Variants in KIF18A observed in about 807,000 individuals in gnomAD.
KIF18A encodes the protein kinesin family member 18A.
Under a neutral mutation model 103.3 loss-of-function variants are expected in KIF18A, and 67 were observed. That is an observed-to-expected ratio of 0.65 (90% CI 0.53 to 0.79). The LOEUF is 0.79. Among genes scored for constraint, KIF18A ranks in the 30% least tolerant of loss-of-function variants. The pLI, the probability that KIF18A is intolerant of heterozygous loss-of-function variation, is 0.00. For missense variants in KIF18A, 1,032 were observed against 1,062.5 expected (o/e 0.97, Z 0.40); for synonymous variants, 367 against 355.5 (o/e 1.03, Z -0.36).
chr11:28,092,105 G>A (rs562721880), intron 3 of KIF18A, among the ~76,000 whole-genome samples: 77 of 152,240 alleles, frequency 5.1e-4, no homozygotes, highest in Middle Eastern at 3.4e-3. Context: ...GTGAGCCACC[G>A]CGCCCGGCCC....
At chr11:28,077,271 A>T in intron 9 of KIF18A, 102 bp from the exon 10 acceptor site, 1 of 683,346 alleles carries the variant, frequency 1.5e-6, no homozygotes, top group South Asian at 2.3e-5. Context: ...TATGTAATTC[A>T]CAGAACTACA....
intron 11 of KIF18A, among the ~76,000 whole-genome samples, chr11:28,067,180 G>A (rs1171582942): frequency 6.6e-6 from 1 of 151,942 alleles, no homozygotes; most frequent in South Asian, 2.1e-4. Context: ...TTTTTGTGGG[G>A]AATATTTTAA....
At chr11:28,026,285 G>A (rs1233279224) in intron 15 of KIF18A, among the ~76,000 whole-genome samples, 1 of 151,612 alleles carries the variant, frequency 6.6e-6, no homozygotes, top group African/African-American at 2.4e-5. Context: ...TATATAGAGA[G>A]CTTCCCCTTC....
chr11:28,096,884 T>C (rs1024820209), intron 2 of KIF18A, among the ~76,000 whole-genome samples: 11 of 145,844 alleles, frequency 7.5e-5, no homozygotes, highest in East Asian at 3.9e-4. Flanking sequence ...CTCTCTCTCT[T>C]TTTTTTTTTT....
intron 13 of KIF18A, among the ~76,000 whole-genome samples, chr11:28,056,322 C>T (rs761876048): frequency 2.5e-4 from 38 of 150,810 alleles, no homozygotes; most frequent in Middle Eastern, 3.2e-3. Flanking sequence ...GGAAATATAG[C>T]GACTGAAATT....
At chr11:28,025,834 T>A (rs914474942) in intron 15 of KIF18A, among the ~76,000 whole-genome samples, 1 of 151,988 alleles carries the variant, frequency 6.6e-6, no homozygotes, top group African/African-American at 2.4e-5. Flanking sequence ...AGAATTAACC[T>A]TTTGCTCCCT....
intron 5 of KIF18A, among the ~76,000 whole-genome samples, chr11:28,089,476 A>G (rs1851273270): frequency 6.6e-6 from 1 of 152,220 alleles, no homozygotes. Context: ...ACTGTACATA[A>G]TTGTATGTAC....
intron 13 of KIF18A, among the ~76,000 whole-genome samples, chr11:28,055,446 T>G (rs1483286828): frequency 6.6e-6 from 1 of 152,152 alleles, no homozygotes; most frequent in Non-Finnish European, 1.5e-5. Flanking sequence ...CTTGAGGTTG[T>G]TTGCTTATGC....
At chr11:28,056,325 C>A (rs1042573146) in intron 13 of KIF18A, among the ~76,000 whole-genome samples, 1 of 151,184 alleles carries the variant, frequency 6.6e-6, no homozygotes, top group Non-Finnish European at 1.5e-5. Context: ...AATATAGCGA[C>A]TGAAATTAAA....
intron 6 of KIF18A, among the ~76,000 whole-genome samples, chr11:28,087,182 C>T (rs1851239499): frequency 6.6e-6 from 1 of 152,142 alleles, no homozygotes; most frequent in Non-Finnish European, 1.5e-5. Flanking sequence ...CACCCATCAA[C>T]CTGTAATCTA....
intron 13 of KIF18A, among the ~76,000 whole-genome samples, chr11:28,041,990 C>A (rs1186867700): frequency 1.3e-5 from 2 of 151,522 alleles, no homozygotes; most frequent in East Asian, 3.9e-4. Context: ...AGCTTGGGAT[C>A]CTGTCCTCTA....
In KIF18A at chr11:28,094,893, GA is replaced by G. The variant is rs534837056; in HGVS notation, c.326-94del. On this transcript the variant is annotated intron_variant, in intron 2 of 16. Transcript: ENST00000263181. ...GTGGATAGTTCCATCTGGATATCCTGAACAGTATCTTTAAACCCTACAAATC... is the reference window on the plus strand; with the variant it reads ...GTGGATAGTTCCATCTGGATATCCTGACAGTATCTTTAAACCCTACAAATC... The G allele has an allele frequency of 1.8e-5, 22 of 1,231,226 alleles. No homozygotes were observed. In the African/African-American group the frequency reaches 2.7e-4, roughly 15 times the overall value. The allele number at this position is 1,231,226 out of a possible 1,614,324, so 76.3% of individuals were successfully genotyped here. A position where few individuals can be genotyped will look rare whatever the true frequency, so the allele number is the denominator to read the frequency against.
intron 13 of KIF18A, among the ~76,000 whole-genome samples, chr11:28,054,974 A>T (rs1850759947): frequency 6.6e-6 from 1 of 152,186 alleles, no homozygotes; most frequent in Admixed American, 6.6e-5. Context: ...AGCATCATAT[A>T]GCAGGTGGTC....
intron 6 of KIF18A, among the ~76,000 whole-genome samples, chr11:28,085,350 C>G (rs973964604): frequency 3.9e-5 from 6 of 152,182 alleles, no homozygotes; most frequent in Non-Finnish European, 5.9e-5. Flanking sequence ...TGCCCGCAGT[C>G]ATCCGGAGGC....
intron 16 of KIF18A, among the ~76,000 whole-genome samples, chr11:28,022,789 A>G (rs960207703): frequency 2.2e-4 from 34 of 152,132 alleles, no homozygotes; most frequent in African/African-American, 8.2e-4. Context: ...TTCAATTTCC[A>G]TTGAACTTAA....
chr11:28,074,234 A>T (rs1312996286), intron 10 of KIF18A, among the ~76,000 whole-genome samples: 1 of 152,064 alleles, frequency 6.6e-6, no homozygotes, highest in East Asian at 1.9e-4. Flanking sequence ...TTCTTATATA[A>T]TATGGTACTA....
At chr11:28,028,464 C>T (rs866581821) in intron 15 of KIF18A, among the ~76,000 whole-genome samples, 11 of 151,914 alleles carry the variant, frequency 7.2e-5, no homozygotes, top group East Asian at 1.9e-4. Flanking sequence ...GAAATAAAGA[C>T]GTTCTTTGAA....
chr11:28,021,000 T>C lies in KIF18A; in HGVS notation c.*200A>G. On this transcript the variant is annotated 3_prime_UTR_variant, in exon 17 of 17. Transcript: ENST00000263181. ...ATTTAAAAAACTTAAAAGACAACCT[T>C]TTCTTTTGAAATTTTATTTTTTTAG... 1 of 415,566 alleles carries C rather than the reference T, an allele frequency of 2.4e-6. No individual in the cohort carries two copies. The highest frequency in any genetic ancestry group is 3.7e-6 in the Non-Finnish European group (1 of 272,836). 25.7% of individuals were successfully genotyped at this position (415,566 alleles called of 1,614,324 possible). A position where few individuals can be genotyped will look rare whatever the true frequency, so the allele number is the denominator to read the frequency against.
intron 5 of KIF18A, 147 bp from the exon 6 acceptor site, chr11:28,088,868 G>A (rs964453495): frequency 6.2e-6 from 4 of 648,546 alleles, no homozygotes; most frequent in Non-Finnish European, 1.1e-5. Flanking sequence ...ATATTTAAGA[G>A]CACTATAAGT....
Sources: allele counts gnomAD v4.1 joint callset (sites outside exome capture counted in the v4.1 genomes callset), GRCh38; gene constraint gnomAD v4.1.1; transcripts MANE v1.5; gene names NCBI Gene and HGNC (gene_info 2026-07-23, HGNC 2026-07-21).